The following ACTN1 variants were observed in gnomAD, a reference collection of about 807,000 sequenced individuals.
ACTN1 encodes actinin alpha 1, also known as alpha-actinin-1.
A neutral mutation model predicts 119.6 loss-of-function variants in ACTN1; 30 were observed. The ratio of observed to expected loss-of-function variants is 0.25; its 90% CI spans 0.19 to 0.34. The LOEUF is 0.34. ACTN1 is among the 10% of genes least tolerant of loss of function. ACTN1 has a pLI of 1.00. For synonymous variants in ACTN1, 429 were observed against 472.6 expected, an observed-to-expected ratio of 0.91 and a Z score of 1.20; for missense variants, 764 against 1,223.4, an observed-to-expected ratio of 0.62 and a Z score of 5.60.
intron 8 of ACTN1, among the ~76,000 whole-genome samples, chr14:68,898,710 C>A (rs1306016099): frequency 1.3e-5 from 2 of 152,052 alleles, no homozygotes; most frequent in Non-Finnish European, 2.9e-5. Context: ...GGGTCAGACC[C>A]CTGACCAGGA....
chr14:68,970,537 G>C (rs1362178975), intron 1 of ACTN1, among the ~76,000 whole-genome samples: 1 of 152,172 alleles, frequency 6.6e-6, no homozygotes, highest in East Asian at 1.9e-4. Flanking sequence ...TCTAAACAAA[G>C]GGAAGGACAG....
Position 68,878,684 on chromosome 14 carries a change from A to G in ACTN1, c.2362-161T>C. ...TAAAGGAACATAGGAGAAGATGCGAACACACATCGGTGGAAATGTCCAAAG... is the reference window on the plus strand; with the variant it reads ...TAAAGGAACATAGGAGAAGATGCGAGCACACATCGGTGGAAATGTCCAAAG... On this transcript the variant is annotated intron_variant, in intron 19 of 21. Coordinates refer to ENST00000394419, the MANE Select transcript of ACTN1 (RefSeq NM_001130004.2). This position sits in a 1 kb window ranked among gnomAD's most constrained non-coding sequence, Gnocchi z 4.4. The G allele has an allele frequency of 2.6e-6, 4 of 1,539,674 alleles. No individual in the cohort carries two copies. Among genetic ancestry groups the G allele is most frequent in the Non-Finnish European group, 3.5e-6 (4 of 1,147,056 alleles).
rs553391336 is a variant in ACTN1 at position 68,962,378 on chromosome 14, T to C, written c.105+16574A>G. ...TGGAACTGGAAACCCACGGCAGTGA[T>C]GGTTCCCATGGCAACGGGCCAGCAC... is the stretch of plus-strand genomic sequence containing the variant. On this transcript the variant is annotated intron_variant, in intron 1 of 21. Coordinates refer to ENST00000394419, the MANE Select transcript of ACTN1 (RefSeq NM_001130004.2). Among the ~76,000 whole-genome samples, 3 of 152,238 alleles carry C rather than the reference T, an allele frequency of 2.0e-5. No homozygotes were observed. The East Asian group carries it at 5.8e-4, about 29-fold the overall frequency.
intron 1 of ACTN1, among the ~76,000 whole-genome samples, chr14:68,971,444 T>G (rs1372273625): frequency 6.6e-6 from 1 of 152,236 alleles, no homozygotes; most frequent in Non-Finnish European, 1.5e-5. Flanking sequence ...TGTTTACATT[T>G]ACCTCCGAGT....
At chr14:68,942,950 A>G (rs534787635) in intron 1 of ACTN1, among the ~76,000 whole-genome samples, 4 of 152,176 alleles carry the variant, frequency 2.6e-5, no homozygotes, top group Admixed American at 6.5e-5. Flanking sequence ...ACACTGGGCC[A>G]TGACGGAGGA....
intron 6 of ACTN1, among the ~76,000 whole-genome samples, chr14:68,904,987 G>T (rs2033578307): frequency 6.6e-6 from 1 of 152,242 alleles, no homozygotes; most frequent in Non-Finnish European, 1.5e-5. Context: ...GTAGTCTGCA[G>T]CCTGAGTCGG....
At chr14:68,898,171 G>A (rs555231053) in intron 8 of ACTN1, among the ~76,000 whole-genome samples, 37 of 152,178 alleles carry the variant, frequency 2.4e-4, no homozygotes, top group Non-Finnish European at 4.6e-4. Flanking sequence ...CTCTCAGATC[G>A]AGTCCAAGCC....
At chr14:68,917,146 T>C (rs1295163780) in intron 3 of ACTN1, among the ~76,000 whole-genome samples, 1 of 152,178 alleles carries the variant, frequency 6.6e-6, no homozygotes, top group East Asian at 1.9e-4. Context: ...GCCAATTCCA[T>C]GAAGTCTATG....
chr14:68,908,898 AGCT>A (rs1195648931), intron 6 of ACTN1, among the ~76,000 whole-genome samples: 2 of 152,284 alleles, frequency 1.3e-5, no homozygotes, highest in African/African-American at 4.8e-5. Context: ...GGGTGGGATA[AGCT>A]GCCCAGGACC....
rs769937658 is a variant in ACTN1 at position 68,882,427 on chromosome 14, C to CCCCAGCACTGCTT, written c.1953+18_1953+30dup. On this transcript the variant is annotated intron_variant, in intron 16 of 21. Transcript: ENST00000394419. The surrounding 1 kb of genome is among the most constrained non-coding windows in gnomAD (Gnocchi z 4.5). ...TAGTGTCGGGGGGGAGGGGTGGGAGCCCCAGCACTGCTTCCCAGCATGGGA... is the reference window on the plus strand; with the variant it reads ...TAGTGTCGGGGGGGAGGGGTGGGAGCCCCAGCACTGCTTCCCAGCACTGCTTCCCAGCATGGGA... The CCCCAGCACTGCTT allele has an allele frequency of 3.1e-6, 5 of 1,610,258 alleles. No homozygotes were observed. In the African/African-American group the frequency reaches 6.7e-5, roughly 21 times the overall value.
chr14:68,874,899 A>T lies in ACTN1; in HGVS notation c.2705T>A (p.Met902Lys), dbSNP rs752368324. The T allele has an allele frequency of 1.9e-6, 3 of 1,608,582 alleles. No homozygotes were observed. The highest frequency in any genetic ancestry group is 2.6e-6 in the Non-Finnish European group (3 of 1,175,700). ...GCCGTACAGCGCCGTGGAGAAGGAC[A>T]TGTAGTCCAGAGCACCTGGCACGGA... ...PDSVPGALDY[M>K]SFSTALYGES... Residue 902 changes from methionine (M) to lysine (K), a missense_variant, in exon 22 of 22, where the codon ATG becomes AAG. By Grantham distance (95) the Met-to-Lys change is moderately conservative. Transcript: ENST00000394419.
Position 68,880,593 on chromosome 14 carries a change from T to C in ACTN1, c.2133+217A>G, listed in dbSNP as rs1566590661. On this transcript the variant is annotated intron_variant, in intron 17 of 21. Coordinates refer to ENST00000394419, the MANE Select transcript of ACTN1 (RefSeq NM_001130004.2). The surrounding 1 kb of genome is among the most constrained non-coding windows in gnomAD (Gnocchi z 4.6). Reference sequence around the variant, plus strand: ...CTTATTCTGAACTCCACCCCAGAATTAGTGAAGCAAATTCTAGAGATGGGG... The same window carrying C: ...CTTATTCTGAACTCCACCCCAGAATCAGTGAAGCAAATTCTAGAGATGGGG... Among the ~76,000 whole-genome samples, 1 of 152,134 alleles carries C rather than the reference T, an allele frequency of 6.6e-6. No individual in the cohort carries two copies. Among genetic ancestry groups the C allele is most frequent in the African/African-American group, 2.4e-5 (1 of 41,424 alleles).
At chr14:68,895,357 C>T (rs144664554) in intron 8 of ACTN1, among the ~76,000 whole-genome samples, 132 of 152,302 alleles carry the variant, frequency 8.7e-4, no homozygotes, top group African/African-American at 3.1e-3. Flanking sequence ...CCAACAAGCA[C>T]CCACGGGGAA....
chr14:68,883,046 T>C lies in ACTN1; in HGVS notation c.1645A>G (p.Thr549Ala). ...HTIEEIQGLT[T>A]AHEQFKATLP... ...GTGGCCTTGAACTGCTCATGGGCTG[T>C]GGTCAGTCCCTGGACAGAGATGGGA... Residue 549 changes from threonine (T) to alanine (A), a missense_variant, in exon 15 of 22, where the codon ACA becomes GCA. By Grantham distance (58) the Thr-to-Ala change is moderately conservative. Around this residue, in one of 4 missense-constraint regions of ACTN1, gnomAD observed 544 missense variants for 912.0 expected, o/e 0.60. Transcript: ENST00000394419. The C allele has an allele frequency of 6.2e-7, 1 of 1,614,038 alleles. No homozygotes were observed. Among genetic ancestry groups the C allele is most frequent in the Non-Finnish European group, 8.5e-7 (1 of 1,179,994 alleles).
chr14:68,888,125 G>A (rs563313300), intron 11 of ACTN1: 30 of 593,950 alleles, frequency 5.1e-5, no homozygotes, highest in South Asian at 2.7e-4. Flanking sequence ...TCTGCGGGCC[G>A]CGGCATGCTG....
In ACTN1 at chr14:68,880,483, G is replaced by A. The variant is rs1055977349; in HGVS notation, c.2133+327C>T. ...CACACATACACACACACACACTCTT[G>A]CACAGTTAAAACAAGTAGCCATTTT... On this transcript the variant is annotated intron_variant, in intron 17 of 21. Coordinates refer to ENST00000394419, the MANE Select transcript of ACTN1 (RefSeq NM_001130004.2). The surrounding 1 kb of genome is among the most constrained non-coding windows in gnomAD (Gnocchi z 4.6). 6.8e-6 allele frequency among the ~76,000 whole-genome samples: 1 copy of A among 146,216 alleles called. No individual in the cohort carries two copies. Among genetic ancestry groups the A allele is most frequent in the African/African-American group, 2.6e-5 (1 of 38,922 alleles).
intron 11 of ACTN1, chr14:68,888,111 G>C (rs1488131317): frequency 6.4e-6 from 4 of 627,972 alleles, no homozygotes; most frequent in South Asian, 4.8e-5. Context: ...GCGCGTGCCA[G>C]GTGTCTGCGG....
At chr14:68,891,652 TA>T (rs2032498020) in intron 10 of ACTN1, among the ~76,000 whole-genome samples, 1 of 152,182 alleles carries the variant, frequency 6.6e-6, no homozygotes, top group Non-Finnish European at 1.5e-5. Context: ...ACAAAACTAT[TA>T]CTTCAATAAT....
chr14:68,950,455 C>CATGTGTGTGTGTGTGTGTGTGTGTGTGT lies in ACTN1; in HGVS notation c.106-24784_106-24783insACACACACACACACACACACACACACAT, dbSNP rs141940950. 6.0e-4 allele frequency among the ~76,000 whole-genome samples: 83 copies of CATGTGTGTGTGTGTGTGTGTGTGTGTGT among 137,708 alleles called. 6 individuals are homozygous for CATGTGTGTGTGTGTGTGTGTGTGTGTGT. Among genetic ancestry groups the CATGTGTGTGTGTGTGTGTGTGTGTGTGT allele is most frequent in the African/African-American group, 2.5e-3 (80 of 31,426 alleles). 90.3% of individuals were successfully genotyped at this position (137,708 alleles called of 152,430 possible). On this transcript the variant is annotated intron_variant, in intron 1 of 21. Transcript: ENST00000394419. ...TGTATCTTTTACCATAATATATATG[C>CATGTGTGTGTGTGTGTGTGTGTGTGTGT]GTGTGTGTATATATATATATATAAA... is the stretch of plus-strand genomic sequence containing the variant.
Sources: gnomAD v4.1 joint callset for allele counts (sites outside exome capture counted in the v4.1 genomes callset) on GRCh38, gnomAD v4.1.1 for gene constraint, gnomAD v4.1.1 regional missense constraint, Gnocchi (gnomAD v3.1) non-coding constraint, MANE v1.5 for transcripts, NCBI Gene and HGNC (gene_info 2026-07-23, HGNC 2026-07-21) for gene names.